SNTG2: variants seen among roughly 807,000 people sequenced by gnomAD.
SNTG2 encodes syntrophin gamma 2.
Under a neutral mutation model 70.9 loss-of-function variants are expected in SNTG2, and 74 were observed. The ratio of observed to expected loss-of-function variants is 1.04; its 90% confidence interval spans 0.86 to 1.27. The LOEUF (loss-of-function observed/expected upper bound fraction) is 1.27, where lower values mean the gene tolerates loss of function less well. SNTG2 is among the 50% of genes most tolerant of loss of function. The pLI is 0.00. For missense variants in SNTG2, 717 were observed against 690.7 expected (o/e 1.04, Z -0.43); for synonymous variants, 278 against 273.8 (o/e 1.02, Z -0.15).
intron 6 of SNTG2, among the ~76,000 whole-genome samples, chr2:1,150,131 G>A (rs899263166): frequency 2.0e-5 from 3 of 152,176 alleles, no homozygotes; most frequent in Non-Finnish European, 4.4e-5. Flanking sequence ...AAGGTTTAGG[G>A]AACTATTTTG....
At chr2:1,235,029 C>A (rs1676515942) in intron 9 of SNTG2, among the ~76,000 whole-genome samples, 1 of 152,232 alleles carries the variant, frequency 6.6e-6, no homozygotes, top group Non-Finnish European at 1.5e-5. Context: ...GAGCTGGAGC[C>A]AAGCGGTGAC....
Position 1,137,577 on chromosome 2 carries a change from A to C in SNTG2, c.326-45A>C, listed in dbSNP as rs767978800. The C allele has an allele frequency of 1.2e-5, 20 of 1,601,112 alleles. No homozygotes were observed. The East Asian group carries it at 4.5e-4, about 36-fold the overall frequency. On this transcript the variant is annotated intron_variant, in intron 4 of 16. Coordinates refer to ENST00000308624, the MANE Select transcript of SNTG2 (RefSeq NM_018968.4). ...AATGACTGTCATAACAAAGCATGTC[A>C]CTGAGATTTCTCTTAAAACTGTTGC...
At chr2:1,168,054 GGCCGCCCACAGACGGCAGAACTGAAA>G (rs1670858993) in intron 7 of SNTG2, among the ~76,000 whole-genome samples, 1 of 109,048 alleles carries the variant, frequency 9.2e-6, no homozygotes, top group African/African-American at 3.8e-5. Flanking sequence ...GAAACCTACA[GGCCGCCCACAGACGGCAGAACTGAAA>G]CCTACAGGCC....
chr2:1,295,937 G>A (rs1240826066), intron 14 of SNTG2, among the ~76,000 whole-genome samples: 2 of 151,830 alleles, frequency 1.3e-5, no homozygotes, highest in African/African-American at 2.4e-5. Flanking sequence ...TGAGGCAGAC[G>A]TCACCATCGA....
At chr2:1,278,936 T>C (rs886213962) in intron 14 of SNTG2, among the ~76,000 whole-genome samples, 1 of 150,444 alleles carries the variant, frequency 6.6e-6, no homozygotes, top group South Asian at 2.1e-4. Flanking sequence ...ATCACCCCTG[T>C]CAGTGCGCGA....
intron 9 of SNTG2, among the ~76,000 whole-genome samples, chr2:1,224,069 G>C (rs777091321): frequency 2.0e-5 from 3 of 152,220 alleles, no homozygotes; most frequent in Non-Finnish European, 4.4e-5. Flanking sequence ...GTGTCTCCCT[G>C]TGGAGGAAGG....
At chr2:1,148,695 A>G (rs66645917) in intron 6 of SNTG2, among the ~76,000 whole-genome samples, 149,742 of 152,286 alleles carry the variant, frequency 0.98, 73,669 homozygotes, top group East Asian at 1. Context: ...GCCAGCATGA[A>G]ATGAGAGTGA....
At chr2:1,095,614 G>A (rs1172866966) in intron 2 of SNTG2, among the ~76,000 whole-genome samples, 2 of 152,086 alleles carry the variant, frequency 1.3e-5, no homozygotes, top group African/African-American at 4.8e-5. Context: ...ATATTTTAGG[G>A]TATTTCAGGA....
chr2:1,196,456 T>C (rs1201035967), intron 8 of SNTG2, among the ~76,000 whole-genome samples: 1 of 152,122 alleles, frequency 6.6e-6, no homozygotes, highest in African/African-American at 2.4e-5. Context: ...AAAACCTATT[T>C]AATAAAGTAA....
intron 16 of SNTG2, among the ~76,000 whole-genome samples, chr2:1,346,834 T>C (rs974911407): frequency 2.6e-5 from 4 of 151,988 alleles, no homozygotes; most frequent in African/African-American, 7.3e-5. Context: ...TTACAAGTCA[T>C]AGGTGGGTTT....
chr2:1,366,303 G>A (rs568279439), intron 16 of SNTG2, among the ~76,000 whole-genome samples: 36 of 152,254 alleles, frequency 2.4e-4, no homozygotes, highest in African/African-American at 5.5e-4. Context: ...GGCAAGATTC[G>A]TATTTTACCA....
rs546460653 is a variant in SNTG2 at position 1,321,316 on chromosome 2, G to A, written c.1488+4941G>A. 5.9e-5 allele frequency among the ~76,000 whole-genome samples: 9 copies of A among 152,294 alleles called. No homozygotes were observed. In the South Asian group the frequency reaches 1.7e-3, roughly 28 times the overall value. On this transcript the variant is annotated intron_variant, in intron 16 of 16. Coordinates refer to ENST00000308624, the MANE Select transcript of SNTG2 (RefSeq NM_018968.4). ...AGGGCACATTTTACTGAAGAATCAT[G>A]TCTCTGGGAGAAACACTACCGTGTA...
Position 1,231,690 on chromosome 2 carries a change from C to T in SNTG2, c.720-6198C>T, listed in dbSNP as rs551665685. On this transcript the variant is annotated intron_variant, in intron 9 of 16. Coordinates refer to ENST00000308624, the MANE Select transcript of SNTG2 (RefSeq NM_018968.4). ...AGCCCATTGTCAGATGAGGGAACCCCACAGCGTGGCTGAGATAGGGTGGAG... is the reference window on the plus strand; with the variant it reads ...AGCCCATTGTCAGATGAGGGAACCCTACAGCGTGGCTGAGATAGGGTGGAG... Among the ~76,000 whole-genome samples the T allele has an allele frequency of 6.6e-5, 10 of 152,206 alleles. No individual in the cohort carries two copies. The South Asian group carries it at 8.3e-4, about 13-fold the overall frequency.
At chr2:1,358,249 A>G (rs1660957236) in intron 16 of SNTG2, among the ~76,000 whole-genome samples, 1 of 152,146 alleles carries the variant, frequency 6.6e-6, no homozygotes, top group African/African-American at 2.4e-5. Flanking sequence ...ACTTTGGGTG[A>G]ACAAAACATT....
chr2:1,223,716 A>T (rs1443162730), intron 9 of SNTG2, among the ~76,000 whole-genome samples: 1 of 152,172 alleles, frequency 6.6e-6, no homozygotes, highest in Non-Finnish European at 1.5e-5. Context: ...GAAAGAGTGG[A>T]TGGAGAAGGT....
chr2:1,349,731 G>A (rs1469643836), intron 16 of SNTG2, among the ~76,000 whole-genome samples: 1 of 152,170 alleles, frequency 6.6e-6, no homozygotes, highest in Non-Finnish European at 1.5e-5. Context: ...AGATGCCAGG[G>A]ACTGTGCTGG....
chr2:1,169,543 T>C (rs530234100), intron 7 of SNTG2, among the ~76,000 whole-genome samples: 1 of 152,274 alleles, frequency 6.6e-6, no homozygotes, highest in South Asian at 2.1e-4. Flanking sequence ...GAGCCTGTGT[T>C]TCCCTCTGAG....
intron 9 of SNTG2, among the ~76,000 whole-genome samples, chr2:1,228,489 C>T (rs1212640200): frequency 6.6e-6 from 1 of 152,190 alleles, no homozygotes; most frequent in Admixed American, 6.5e-5. Flanking sequence ...CCTTGGAGGG[C>T]CTGCTCTGGG....
chr2:1,252,731 T>C (rs1347440646), intron 12 of SNTG2, among the ~76,000 whole-genome samples: 1 of 152,066 alleles, frequency 6.6e-6, no homozygotes, highest in East Asian at 1.9e-4. Context: ...CAAGGAGAAA[T>C]CAACCCCTCA....
Sources: allele counts gnomAD v4.1 joint callset (sites outside exome capture counted in the v4.1 genomes callset), GRCh38; gene constraint gnomAD v4.1.1; transcripts MANE v1.5; gene names NCBI Gene and HGNC (gene_info 2026-07-23, HGNC 2026-07-21).